The following CEP44 variants were observed in gnomAD, a reference collection of about 807,000 sequenced individuals.
CEP44 encodes the protein centrosomal protein 44.
In CEP44, 45 loss-of-function variants were observed where a neutral mutation model predicts 46.7. That is an observed-to-expected ratio of 0.96 (90% CI 0.76 to 1.24). The LOEUF (loss-of-function observed/expected upper bound fraction) is 1.24, where lower values mean the gene tolerates loss of function less well. CEP44 is among the 50% of genes most tolerant of loss of function. CEP44 has a pLI of 0.00. For synonymous variants in CEP44, 142 were observed against 146.0 expected (o/e 0.97, Z 0.20); for missense variants, 475 against 459.7 (o/e 1.03, Z -0.30).
intron 1 of CEP44, among the ~76,000 whole-genome samples, chr4:174,295,932 T>C (rs1324493650): frequency 6.6e-6 from 1 of 152,224 alleles, no homozygotes; most frequent in East Asian, 1.9e-4. Context: ...CAAGTGCTTT[T>C]TCTACGTCCG....
At chr4:174,295,319 C>T (rs561265322) in intron 1 of CEP44, among the ~76,000 whole-genome samples, 14 of 151,034 alleles carry the variant, frequency 9.3e-5, no homozygotes, top group Admixed American at 7.2e-4. Context: ...GGGTCGCGGC[C>T]GGGTAGAGGT....
rs1741080986 is a variant in CEP44, at chr4:174,311,546, G to C, written c.961+688G>C. Reference sequence around the variant, plus strand: ...GTTAAATTTTTAATATCTGTGGATTGTTAACGTTATAAAATCTTTCAGCTC... The same window carrying C: ...GTTAAATTTTTAATATCTGTGGATTCTTAACGTTATAAAATCTTTCAGCTC... On this transcript the variant is annotated intron_variant, in intron 9 of 11. Coordinates refer to ENST00000503780, the MANE Select transcript of CEP44 (RefSeq NM_001040157.3). The surrounding 1 kb of genome is among the most constrained non-coding windows in gnomAD (Gnocchi z 4.4). Among the ~76,000 whole-genome samples, 1 of 152,078 alleles carries C rather than the reference G, an allele frequency of 6.6e-6. No individual in the cohort carries two copies. The highest frequency in any genetic ancestry group is 2.1e-4 in the South Asian group (1 of 4,820).
In CEP44 at chr4:174,287,482, A is replaced by G. The variant is rs191938495; in HGVS notation, c.-148+3539A>G. ...ATCTCTTCAAGCTTGAAGAAATGGCATGTGCAAAGGTGTTGAACAGCTTGA... is the reference window on the plus strand; with the variant it reads ...ATCTCTTCAAGCTTGAAGAAATGGCGTGTGCAAAGGTGTTGAACAGCTTGA... On this transcript the variant is annotated intron_variant, in intron 1 of 11. Coordinates refer to ENST00000503780, the MANE Select transcript of CEP44 (RefSeq NM_001040157.3). The surrounding 1 kb of genome is among the most constrained non-coding windows in gnomAD (Gnocchi z 5.1). 6.6e-6 allele frequency among the ~76,000 whole-genome samples: 1 copy of G among 152,268 alleles called. No individual in the cohort carries two copies. The highest frequency in any genetic ancestry group is 1.9e-4 in the East Asian group (1 of 5,186).
At chr4:174,323,301 GT>G (rs1163978523), downstream of CEP44, among the ~76,000 whole-genome samples, 16 of 152,100 alleles carry the variant, frequency 1.1e-4, no homozygotes, top group South Asian at 4.1e-4. Context: ...GCCTTGAGAG[GT>G]TTTCCCCCCT....
intron 1 of CEP44, among the ~76,000 whole-genome samples, chr4:174,295,259 C>G (rs1224081847): frequency 6.6e-6 from 1 of 151,092 alleles, no homozygotes; most frequent in Non-Finnish European, 1.5e-5. Context: ...AGGGTCTCCT[C>G]ACTTCTCAGA....
Position 174,319,067 on chromosome 4 carries a change from C to T in CEP44, c.*1684C>T, listed in dbSNP as rs1315769946. 1 of 864,796 alleles carries T rather than the reference C, an allele frequency of 1.2e-6. No homozygotes were observed. The highest frequency in any genetic ancestry group is 1.4e-6 in the Non-Finnish European group (1 of 720,848). 53.6% of individuals were successfully genotyped at this position (864,796 alleles called of 1,614,324 possible). A position where few individuals can be genotyped will look rare whatever the true frequency, so the allele number is the denominator to read the frequency against. ...AAAGCTACTCGCCCACCTGGATGTC[C>T]CAAAGTGCTAGATTCCATGGGTGAG... On this transcript the variant is annotated 3_prime_UTR_variant, in exon 12 of 12. Coordinates refer to ENST00000503780, the MANE Select transcript of CEP44 (RefSeq NM_001040157.3).
rs1346997717 is a variant in CEP44, at chr4:174,297,913, C to G, written c.-147-53C>G. On this transcript the variant is annotated intron_variant, in intron 1 of 11. Transcript: ENST00000503780. This position sits in a 1 kb window ranked among gnomAD's most constrained non-coding sequence, Gnocchi z 4.3. ...GGGTTAGCTGCTTCTTATGTAGACT[C>G]TCAAATAATCATTCTTATTTCAGCC... 6.6e-6 allele frequency: 1 copy of G among 152,144 alleles called. No individual in the cohort carries two copies. Among genetic ancestry groups the G allele is most frequent in the Non-Finnish European group, 1.5e-5 (1 of 68,064 alleles). The allele number at this position is 152,144 out of a possible 1,614,324, so 9.4% of individuals were successfully genotyped here. A position where few individuals can be genotyped will look rare whatever the true frequency, so the allele number is the denominator to read the frequency against.
At chr4:174,307,134 A>G (rs1259097908) in intron 6 of CEP44, among the ~76,000 whole-genome samples, 1 of 152,146 alleles carries the variant, frequency 6.6e-6, no homozygotes, top group Non-Finnish European at 1.5e-5. Context: ...TATGAAACCA[A>G]AAAAGACCCA....
chr4:174,319,516 C>A lies in CEP44; in HGVS notation c.*2133C>A. On this transcript the variant is annotated 3_prime_UTR_variant, in exon 12 of 12. Coordinates refer to ENST00000503780, the MANE Select transcript of CEP44 (RefSeq NM_001040157.3). ...GGAAGATAGAAAAAAAGTTAAGTCT[C>A]TTTCTACCCTTTCTTTTTTTCTTTA... is the stretch of plus-strand genomic sequence containing the variant. 2 of 882,748 alleles carry A rather than the reference C, an allele frequency of 2.3e-6. No individual in the cohort carries two copies. Among genetic ancestry groups the A allele is most frequent in the Non-Finnish European group, 2.7e-6 (2 of 736,594 alleles). The allele number at this position is 882,748 out of a possible 1,614,324, so 54.7% of individuals were successfully genotyped here.
downstream of CEP44, among the ~76,000 whole-genome samples, chr4:174,322,501 AC>A (rs761540594): frequency 1.1e-4 from 17 of 152,076 alleles, no homozygotes; most frequent in East Asian, 1.9e-4. Flanking sequence ...TATGAAAAGC[AC>A]CCTGTAATTT....
At position 174,319,967 on chromosome 4, in the gene CEP44, C is replaced by T; in HGVS notation, c.*2584C>T. On this transcript the variant is annotated 3_prime_UTR_variant, in exon 12 of 12. Coordinates refer to ENST00000503780, the MANE Select transcript of CEP44 (RefSeq NM_001040157.3). ...AGCAGGGGAGTTCTGAAGAGATTAC[C>T]TAGAGCTACATAACCCTAAGTTAAG... 3.0e-6 allele frequency: 3 copies of T among 985,156 alleles called. No individual in the cohort carries two copies. Among genetic ancestry groups the T allele is most frequent in the Non-Finnish European group, 3.6e-6 (3 of 829,752 alleles). The allele number at this position is 985,156 out of a possible 1,614,324, so 61.0% of individuals were successfully genotyped here. A position where few individuals can be genotyped will look rare whatever the true frequency, so the allele number is the denominator to read the frequency against.
In CEP44 at chr4:174,287,143, A is replaced by G. The variant is rs767167309; in HGVS notation, c.-148+3200A>G. Among the ~76,000 whole-genome samples the G allele has an allele frequency of 1.9e-4, 29 of 152,086 alleles. No homozygotes were observed. The highest frequency in any genetic ancestry group is 1.4e-3 in the Admixed American group (21 of 15,262). On this transcript the variant is annotated intron_variant, in intron 1 of 11. Coordinates refer to ENST00000503780, the MANE Select transcript of CEP44 (RefSeq NM_001040157.3). This position sits in a 1 kb window ranked among gnomAD's most constrained non-coding sequence, Gnocchi z 5.1. ...GAGGGGGAATCGGTGTATTCCTTCT[A>G]TTTCTAGGCCATTGGGATATAGGTC...
At position 174,310,011 on chromosome 4, in the gene CEP44, T is replaced by A; in HGVS notation, c.840T>A (p.Leu280=). Residue 280 remains leucine, a synonymous_variant, in exon 8 of 12, where the codon CTT becomes CTA. Transcript: ENST00000503780. This position sits in a 1 kb window ranked among gnomAD's most constrained non-coding sequence, Gnocchi z 4.2. ...ATGAAAACACCTGGACTAATCTTCT[T>A]AGTCGTGTCACTCTTCTTGAAACAG... is the stretch of plus-strand genomic sequence containing the variant. The part of the protein sequence containing the change: ...MVDENTWTNL[L]SRVTLLETEM... The A allele has an allele frequency of 6.2e-7, 1 of 1,612,632 alleles. No homozygotes were observed. The highest frequency in any genetic ancestry group is 8.5e-7 in the Non-Finnish European group (1 of 1,179,090).
At position 174,319,977 on chromosome 4, in the gene CEP44, A is replaced by T. The variant is rs10565; in HGVS notation, c.*2594A>T. 338,018 of 984,008 alleles carry T rather than the reference A, an allele frequency of 0.34. 61,586 individuals are homozygous for T. Among genetic ancestry groups the T allele is most frequent in the Non-Finnish European group, 0.37 (307,416 of 828,702 alleles). 61.0% of individuals were successfully genotyped at this position (984,008 alleles called of 1,614,324 possible). ...TTCTGAAGAGATTACCTAGAGCTACATAACCCTAAGTTAAGTAAAATTTTC... is the reference window on the plus strand; with the variant it reads ...TTCTGAAGAGATTACCTAGAGCTACTTAACCCTAAGTTAAGTAAAATTTTC... On this transcript the variant is annotated 3_prime_UTR_variant, in exon 12 of 12. Coordinates refer to ENST00000503780, the MANE Select transcript of CEP44 (RefSeq NM_001040157.3).
At chr4:174,300,689 G>A (rs1419497994) in intron 3 of CEP44, among the ~76,000 whole-genome samples, 1 of 151,808 alleles carries the variant, frequency 6.6e-6, no homozygotes, top group African/African-American at 2.4e-5. Flanking sequence ...TAGTCTCCCT[G>A]CCACACACAT....
At chr4:174,292,660 T>C (rs1420006662) in intron 1 of CEP44, among the ~76,000 whole-genome samples, 1 of 152,214 alleles carries the variant, frequency 6.6e-6, no homozygotes, top group African/African-American at 2.4e-5. Flanking sequence ...TGAAGCCTTC[T>C]ATTGAATTTT....
At position 174,318,144 on chromosome 4, in the gene CEP44, A is replaced by C; in HGVS notation, c.*761A>C. On this transcript the variant is annotated 3_prime_UTR_variant, in exon 12 of 12. Coordinates refer to ENST00000503780, the MANE Select transcript of CEP44 (RefSeq NM_001040157.3). Reference sequence around the variant, plus strand: ...AATAGCACGATCTTGGCTCACCGCAACCTCTGCCTACCGGGTTCAAGTGAT... The same window carrying C: ...AATAGCACGATCTTGGCTCACCGCACCCTCTGCCTACCGGGTTCAAGTGAT... 7 of 837,112 alleles carry C rather than the reference A, an allele frequency of 8.4e-6. No homozygotes were observed. The highest frequency in any genetic ancestry group is 1.0e-5 in the Non-Finnish European group (7 of 694,840). 51.9% of individuals were successfully genotyped at this position (837,112 alleles called of 1,614,324 possible). A position where few individuals can be genotyped will look rare whatever the true frequency, so the allele number is the denominator to read the frequency against.
Position 174,316,282 on chromosome 4 carries a change from A to T in CEP44, c.1078A>T (p.Ile360Phe). Reference protein sequence around the residue: ...STVNYCGLNEISEETTIQKME... With the variant: ...STVNYCGLNEFSEETTIQKME... ...TGTTAATTACTGTGGTTTGAATGAG[A>T]TTTCAGAGGTAAGAAAATGCTTAGA... Residue 360 changes from isoleucine to phenylalanine, a missense_variant, in exon 10 of 12, where the codon ATT becomes TTT. By Grantham distance (21) the Ile-to-Phe change is conservative. Transcript: ENST00000503780. The T allele has an allele frequency of 2.5e-6, 4 of 1,610,042 alleles. No homozygotes were observed. Among genetic ancestry groups the T allele is most frequent in the Non-Finnish European group, 3.4e-6 (4 of 1,176,558 alleles).
rs572811149 is a variant in CEP44 at position 174,315,159 on chromosome 4, T to C, written c.962-1007T>C. Among the ~76,000 whole-genome samples the C allele has an allele frequency of 4.6e-5, 7 of 152,190 alleles. No individual in the cohort carries two copies. The South Asian group carries it at 1.5e-3, about 32-fold the overall frequency. ...TCAGTTCTCAGTGGTAATAGTTTGTTCCCCAATTAAGGTTGTCTGTGTAGG... is the reference window on the plus strand; with the variant it reads ...TCAGTTCTCAGTGGTAATAGTTTGTCCCCCAATTAAGGTTGTCTGTGTAGG... On this transcript the variant is annotated intron_variant, in intron 9 of 11. Transcript: ENST00000503780.
Sources: allele counts gnomAD v4.1 joint callset (sites outside exome capture counted in the v4.1 genomes callset), GRCh38; gene constraint gnomAD v4.1.1; non-coding constraint Gnocchi (gnomAD v3.1); transcripts MANE v1.5; gene names NCBI Gene and HGNC (gene_info 2026-07-23, HGNC 2026-07-21).